CDH18: variants seen among roughly 807,000 people sequenced by gnomAD.
CDH18 encodes the protein cadherin 18, also known as cadherin-18.
A neutral mutation model predicts 67.9 loss-of-function variants in CDH18; 31 were observed. The ratio of observed to expected loss-of-function variants is 0.46; its 90% CI spans 0.34 to 0.62. CDH18 has a LOEUF of 0.62. Among genes scored for constraint, CDH18 ranks in the 20% least tolerant of loss-of-function variants. The pLI is 0.01. For missense variants in CDH18, 890 were observed against 975.5 expected (o/e 0.91, Z 1.17); for synonymous variants, 362 against 347.2 (o/e 1.04, Z -0.48).
intron 2 of CDH18, among the ~76,000 whole-genome samples, chr5:20,040,690 T>G (rs913714031): frequency 5.9e-5 from 9 of 152,132 alleles, no homozygotes; most frequent in Non-Finnish European, 1.3e-4. Flanking sequence ...GTTAGAGTTA[T>G]CTAAATGGGA....
At chr5:20,079,388 T>C (rs2150538447) in intron 2 of CDH18, among the ~76,000 whole-genome samples, 1 of 152,314 alleles carries the variant, frequency 6.6e-6, no homozygotes, top group Non-Finnish European at 1.5e-5. Flanking sequence ...CAAATGACAA[T>C]ATGTTCTGTT....
intron 1 of CDH18, among the ~76,000 whole-genome samples, chr5:20,463,302 GAA>G (rs140023840): frequency 1.7e-4 from 24 of 139,162 alleles, no homozygotes; most frequent in African/African-American, 6.3e-4. Flanking sequence ...AGTAAAACAA[GAA>G]AAAAAAAAAG....
At chr5:19,913,715 G>A (rs574710163) in intron 2 of CDH18, among the ~76,000 whole-genome samples, 1 of 152,132 alleles carries the variant, frequency 6.6e-6, no homozygotes, top group East Asian at 1.9e-4. Context: ...AAGATGGAGG[G>A]GAGACCTCCA....
chr5:20,542,264 T>G (rs766933622), intron 1 of CDH18, among the ~76,000 whole-genome samples: 1 of 145,626 alleles, frequency 6.9e-6, no homozygotes, highest in Non-Finnish European at 1.5e-5. Context: ...ATTATTATCA[T>G]CAGCAGAAAG....
intron 11 of CDH18, among the ~76,000 whole-genome samples, chr5:19,492,601 A>T: frequency 6.6e-6 from 1 of 152,262 alleles, no homozygotes; most frequent in Admixed American, 6.5e-5. Context: ...TAGAAAATAC[A>T]ACTTTAAATG....
At chr5:20,019,610 C>A (rs1250637625) in intron 2 of CDH18, among the ~76,000 whole-genome samples, 2 of 152,162 alleles carry the variant, frequency 1.3e-5, no homozygotes, top group Non-Finnish European at 2.9e-5. Flanking sequence ...TTCCCCTCAC[C>A]TTCTGCCATG....
At chr5:20,347,613 C>T (rs758933641) in intron 1 of CDH18, among the ~76,000 whole-genome samples, 4 of 152,220 alleles carry the variant, frequency 2.6e-5, no homozygotes, top group Non-Finnish European at 5.9e-5. Flanking sequence ...CAGGGACTGT[C>T]CCAACTTAGG....
chr5:19,684,978 T>C (rs758094246), intron 5 of CDH18, among the ~76,000 whole-genome samples: 1 of 152,090 alleles, frequency 6.6e-6, no homozygotes, highest in Non-Finnish European at 1.5e-5. Context: ...GGAAGGAATA[T>C]TGTAGGGATA....
At chr5:20,460,717 G>A (rs1347757645) in intron 1 of CDH18, among the ~76,000 whole-genome samples, 1 of 152,098 alleles carries the variant, frequency 6.6e-6, no homozygotes, top group East Asian at 1.9e-4. Context: ...TCTGTTTGTA[G>A]CTCCTTATTT....
At chr5:19,757,885 G>A (rs11951918) in intron 3 of CDH18, among the ~76,000 whole-genome samples, 20,740 of 152,190 alleles carry the variant, frequency 0.14, 3,597 homozygotes, top group African/African-American at 0.4. Flanking sequence ...TCCCTTCACC[G>A]TTGTCCTTCA....
intron 2 of CDH18, among the ~76,000 whole-genome samples, chr5:19,859,863 A>T (rs959599650): frequency 6.6e-6 from 1 of 152,160 alleles, no homozygotes; most frequent in African/African-American, 2.4e-5. Flanking sequence ...GCCATTGGTC[A>T]TTCACATTTG....
chr5:20,461,336 A>G (rs1328036201), intron 1 of CDH18, among the ~76,000 whole-genome samples: 2 of 152,034 alleles, frequency 1.3e-5, no homozygotes, highest in Admixed American at 6.6e-5. Context: ...TGGGATTTCC[A>G]TATTTCTCCG....
At chr5:20,467,898 G>A (rs1751757137) in intron 1 of CDH18, among the ~76,000 whole-genome samples, 1 of 151,434 alleles carries the variant, frequency 6.6e-6, no homozygotes, top group Non-Finnish European at 1.5e-5. Context: ...TTGGCTAATG[G>A]TATTTCTGAA....
intron 1 of CDH18, among the ~76,000 whole-genome samples, chr5:20,358,291 C>A (rs1741798461): frequency 6.6e-6 from 1 of 152,012 alleles, no homozygotes; most frequent in African/African-American, 2.4e-5. Flanking sequence ...GCACAGGTAC[C>A]CCCTGATTCT....
chr5:20,459,547 C>A lies in CDH18; in HGVS notation c.-580+115915G>T, dbSNP rs115190160. Among the ~76,000 whole-genome samples the A allele has an allele frequency of 3.2e-3, 490 of 152,268 alleles. 2 individuals are homozygous for A. The highest frequency in any genetic ancestry group is 0.011 in the African/African-American group (471 of 41,546). ...CCATTTCCCCACCATGACACTTGAT[C>A]ATCTTTCCCTTCATTTCACAAGGGG... On this transcript the variant is annotated intron_variant, in intron 1 of 14. Transcript: ENST00000507958.
rs369811131 is a variant in CDH18, at chr5:19,975,945, T to C, written c.-257+5115A>G. Reference sequence around the variant, plus strand: ...CTTTAGCACTGGACTGAAAATGGAGTGAGATGCTTTCTCAGAGAAACAGCT... The same window carrying C: ...CTTTAGCACTGGACTGAAAATGGAGCGAGATGCTTTCTCAGAGAAACAGCT... On this transcript the variant is annotated intron_variant, in intron 2 of 12. Coordinates refer to ENST00000382275, the MANE Select transcript of CDH18 (RefSeq NM_004934.5). Among the ~76,000 whole-genome samples, 24 of 152,200 alleles carry C rather than the reference T, an allele frequency of 1.6e-4. No homozygotes were observed. In the East Asian group the frequency reaches 2.5e-3, roughly 16 times the overall value.
At chr5:19,616,953 T>C (rs1749936458) in intron 5 of CDH18, among the ~76,000 whole-genome samples, 2 of 152,152 alleles carry the variant, frequency 1.3e-5, no homozygotes. Context: ...TGAGCCACTA[T>C]TTTCATCATG....
At chr5:20,222,061 T>C (rs1485395003) in intron 2 of CDH18, among the ~76,000 whole-genome samples, 2 of 152,020 alleles carry the variant, frequency 1.3e-5, no homozygotes, top group Admixed American at 6.6e-5. Flanking sequence ...CTGGACCACC[T>C]TGGTTTAGAG....
intron 3 of CDH18, among the ~76,000 whole-genome samples, chr5:19,819,913 A>C (rs909879792): frequency 6.6e-6 from 1 of 152,146 alleles, no homozygotes; most frequent in Non-Finnish European, 1.5e-5. Context: ...AAGAGGAGGC[A>C]CACAGCACAG....
Sources: gnomAD v4.1 joint callset for allele counts (sites outside exome capture counted in the v4.1 genomes callset) on GRCh38, gnomAD v4.1.1 for gene constraint, MANE v1.5 for transcripts, NCBI Gene and HGNC (gene_info 2026-07-23, HGNC 2026-07-21) for gene names.